TBC1D5: variants seen among roughly 807,000 people sequenced by gnomAD.
TBC1D5 encodes the protein TBC1 domain family, member 5.
Under a neutral mutation model 100.3 loss-of-function variants are expected in TBC1D5, and 75 were observed. The observed-to-expected ratio is 0.75, with a 90% CI of 0.62 to 0.91. TBC1D5 has a LOEUF of 0.91. TBC1D5 is among the 40% of genes least tolerant of loss of function. TBC1D5 has a pLI of 0.00. For missense variants in TBC1D5, 910 were observed against 942.4 expected (o/e 0.97, Z 0.45); for synonymous variants, 323 against 325.6 (o/e 0.99, Z 0.09).
intron 1 of TBC1D5, among the ~76,000 whole-genome samples, chr3:17,691,703 G>A (rs1650796703): frequency 6.6e-6 from 1 of 152,014 alleles, no homozygotes; most frequent in Non-Finnish European, 1.5e-5. Context: ...TGTAGTCCCA[G>A]CTATTCAGGA....
intron 14 of TBC1D5, among the ~76,000 whole-genome samples, chr3:17,304,358 C>A (rs191754879): frequency 6.6e-6 from 1 of 152,122 alleles, no homozygotes; most frequent in African/African-American, 2.4e-5. Flanking sequence ...GAAGAACAGA[C>A]AATAAACAAG....
intron 1 of TBC1D5, among the ~76,000 whole-genome samples, chr3:17,726,568 T>A (rs2076146587): frequency 6.6e-6 from 1 of 152,246 alleles, no homozygotes; most frequent in Non-Finnish European, 1.5e-5. Context: ...TTGTTTGTTT[T>A]TTGCTTGTTC....
intron 4 of TBC1D5, among the ~76,000 whole-genome samples, chr3:17,408,568 T>C (rs2093836047): frequency 1.3e-5 from 2 of 152,010 alleles, no homozygotes; most frequent in Non-Finnish European, 2.9e-5. Context: ...TGATTCTCCC[T>C]CCTCAGCCTC....
At chr3:17,538,916 T>C (rs1045711415) in intron 2 of TBC1D5, among the ~76,000 whole-genome samples, 2 of 152,094 alleles carry the variant, frequency 1.3e-5, no homozygotes, top group African/African-American at 4.8e-5. Flanking sequence ...TCATGGTGGA[T>C]CACACTTAGA....
chr3:17,456,696 T>C (rs764832354), intron 3 of TBC1D5, among the ~76,000 whole-genome samples: 1 of 152,182 alleles, frequency 6.6e-6, no homozygotes, highest in Non-Finnish European at 1.5e-5. Context: ...CTGGTGGCAA[T>C]GTAAGTTAGT....
chr3:17,440,842 A>G (rs1396418324), intron 3 of TBC1D5, among the ~76,000 whole-genome samples: 2 of 152,032 alleles, frequency 1.3e-5, no homozygotes, highest in Non-Finnish European at 2.9e-5. Flanking sequence ...GGATTTCTCC[A>G]TGTTGGCCAA....
intron 18 of TBC1D5, among the ~76,000 whole-genome samples, chr3:17,208,162 T>C (rs1445539273): frequency 1.3e-5 from 2 of 152,242 alleles, no homozygotes; most frequent in African/African-American, 4.8e-5. Flanking sequence ...GGGACCACTC[T>C]AGTGGCAGCA....
At chr3:17,216,935 G>A (rs866862926) in intron 17 of TBC1D5, among the ~76,000 whole-genome samples, 1 of 152,092 alleles carries the variant, frequency 6.6e-6, no homozygotes, top group African/African-American at 2.4e-5. Flanking sequence ...GTTTTTTACA[G>A]TACACTTACA....
chr3:17,526,266 G>A (rs1183922216), intron 2 of TBC1D5, among the ~76,000 whole-genome samples: 3 of 151,928 alleles, frequency 2.0e-5, no homozygotes, highest in Non-Finnish European at 4.4e-5. Flanking sequence ...TGCATACACT[G>A]GAATGCAGCG....
intron 1 of TBC1D5, among the ~76,000 whole-genome samples, chr3:17,679,102 G>T (rs2069098687): frequency 6.6e-6 from 1 of 150,682 alleles, no homozygotes; most frequent in Admixed American, 6.6e-5. Context: ...ACAATGAGTT[G>T]GGATCCACGG....
exon 3 of TBC1D5, chr3:17,508,507 C>A: frequency 6.2e-7 from 1 of 1,613,664 alleles, no homozygotes; most frequent in South Asian, 1.1e-5. Context: ...GACAAGGGGT[C>A]AATGCCTACT....
At chr3:17,443,654 A>G (rs1269630408) in intron 3 of TBC1D5, among the ~76,000 whole-genome samples, 1 of 152,198 alleles carries the variant, frequency 6.6e-6, no homozygotes, top group African/African-American at 2.4e-5. Context: ...ACTTTTCTCT[A>G]TGAGGTAATG....
intron 2 of TBC1D5, chr3:17,586,516 TA>T (rs1358164643): frequency 6.6e-6 from 1 of 152,052 alleles, no homozygotes; most frequent in Non-Finnish European, 1.5e-5. Flanking sequence ...AGAGACAAAC[TA>T]AGTTCTCCCT....
At chr3:17,402,181 C>A (rs963234452) in intron 8 of TBC1D5, among the ~76,000 whole-genome samples, 3 of 152,236 alleles carry the variant, frequency 2.0e-5, no homozygotes, top group African/African-American at 7.2e-5. Flanking sequence ...ATATGTACTA[C>A]AAACTTAGTA....
chr3:17,741,183 T>C (rs556402261), upstream of TBC1D5, among the ~76,000 whole-genome samples: 1 of 152,338 alleles, frequency 6.6e-6, no homozygotes. Context: ...AATATCAAAA[T>C]GCACCATAGG....
intron 8 of TBC1D5, among the ~76,000 whole-genome samples, chr3:17,395,894 T>C (rs940080415): frequency 2.0e-5 from 3 of 152,152 alleles, no homozygotes; most frequent in African/African-American, 4.8e-5. Context: ...AAATATACTT[T>C]AAAACAGTAC....
chr3:17,592,123 C>A (rs1288351812), intron 2 of TBC1D5, among the ~76,000 whole-genome samples: 3 of 152,232 alleles, frequency 2.0e-5, no homozygotes, highest in Non-Finnish European at 4.4e-5. Flanking sequence ...ATAAGGCCCA[C>A]CAGAAGCAAT....
intron 13 of TBC1D5, among the ~76,000 whole-genome samples, chr3:17,371,193 T>C (rs903517306): frequency 6.6e-6 from 1 of 152,096 alleles, no homozygotes; most frequent in South Asian, 2.1e-4. Context: ...ATGGTCATTA[T>C]GGTCTCTGAG....
intron 13 of TBC1D5, among the ~76,000 whole-genome samples, chr3:17,351,957 AAAC>A (rs746080253): frequency 6.6e-6 from 1 of 151,216 alleles, no homozygotes; most frequent in Non-Finnish European, 1.5e-5. Flanking sequence ...AAAAACCCTC[AAAC>A]AACGTTTCAT....
Sources: allele counts gnomAD v4.1 joint callset (sites outside exome capture counted in the v4.1 genomes callset), GRCh38; gene constraint gnomAD v4.1.1; transcripts MANE v1.5; gene names NCBI Gene and HGNC (gene_info 2026-07-23, HGNC 2026-07-21).